The following LIMS1 variants were observed in gnomAD, a reference collection of about 807,000 sequenced individuals.
LIMS1 encodes LIM and senescent cell antigen-like-containing domain protein 1.
In LIMS1, 18 loss-of-function variants were observed where a neutral mutation model predicts 44.1. The ratio of observed to expected loss-of-function variants is 0.41; its 90% CI spans 0.28 to 0.61. The LOEUF (loss-of-function observed/expected upper bound fraction) is 0.61. Among genes scored for constraint, LIMS1 ranks in the 20% least tolerant of loss-of-function variants. The probability of loss-of-function intolerance (pLI) is 0.32; values close to 1 mark genes in which losing one functional copy is unlikely to be tolerated. For synonymous variants in LIMS1, 93 were observed against 149.1 expected, an observed-to-expected ratio of 0.62 and a Z score of 2.74; for missense variants, 201 against 422.0, an observed-to-expected ratio of 0.48 and a Z score of 4.59.
intron 1 of LIMS1, among the ~76,000 whole-genome samples, chr2:108,562,508 A>G (rs1284420092): frequency 6.6e-6 from 1 of 152,246 alleles, no homozygotes; most frequent in Non-Finnish European, 1.5e-5. Flanking sequence ...TAGTGGTTTG[A>G]ATGGGACATA....
At chr2:108,585,920 G>A (rs1451204574) in intron 1 of LIMS1, among the ~76,000 whole-genome samples, 2 of 152,118 alleles carry the variant, frequency 1.3e-5, no homozygotes, top group African/African-American at 2.4e-5. Flanking sequence ...GAGGCCGGGC[G>A]TGGTGGCTCA....
chr2:108,565,720 A>T (rs1685268659), intron 1 of LIMS1, among the ~76,000 whole-genome samples: 1 of 152,216 alleles, frequency 6.6e-6, no homozygotes, highest in South Asian at 2.1e-4. Context: ...TAATTTTTAA[A>T]TAACAGAAAC....
chr2:108,651,699 C>G (rs1227034221), intron 1 of LIMS1, among the ~76,000 whole-genome samples: 1 of 152,120 alleles, frequency 6.6e-6, no homozygotes, highest in African/African-American at 2.4e-5. Context: ...GGAAAGATCT[C>G]TATCTGCTTC....
At chr2:108,620,291 G>A (rs1688164468) in intron 1 of LIMS1, among the ~76,000 whole-genome samples, 2 of 152,192 alleles carry the variant, frequency 1.3e-5, no homozygotes, top group South Asian at 4.2e-4. Context: ...TTCTTGTCGA[G>A]AAGGTTCTAA....
chr2:108,673,698 A>G (rs1347517731), intron 5 of LIMS1: 1 of 152,382 alleles, frequency 6.6e-6, no homozygotes, highest in African/African-American at 2.4e-5. Flanking sequence ...CAGAACCACA[A>G]TACTCTTATT....
At chr2:108,537,572 C>G (rs1684184143) in intron 1 of LIMS1, among the ~76,000 whole-genome samples, 1 of 152,206 alleles carries the variant, frequency 6.6e-6, no homozygotes, top group African/African-American at 2.4e-5. Flanking sequence ...TTTCAGTGCT[C>G]TGTGCCTGTT....
chr2:108,551,929 ATGTGTG>A (rs1213737564), intron 1 of LIMS1, among the ~76,000 whole-genome samples: 84 of 135,724 alleles, frequency 6.2e-4, no homozygotes, highest in African/African-American at 2.0e-3. Context: ...ATGTGTATAT[ATGTGTG>A]TGTGTGTGTG....
At chr2:108,551,911 GTGTGTATA>G (rs1273209170) in intron 1 of LIMS1, among the ~76,000 whole-genome samples, 1 of 133,216 alleles carries the variant, frequency 7.5e-6, no homozygotes, top group Non-Finnish European at 1.5e-5. Context: ...ATATGTATAT[GTGTGTATA>G]TGTGTATATA....
intron 1 of LIMS1, among the ~76,000 whole-genome samples, chr2:108,560,996 G>T (rs1316646797): frequency 6.6e-6 from 1 of 152,146 alleles, no homozygotes; most frequent in African/African-American, 2.4e-5. Flanking sequence ...TTACCAATGG[G>T]TCAGAAGAAA....
In LIMS1 at chr2:108,678,032, G is replaced by A. The variant is rs752071106; in HGVS notation, c.823+5G>A. On this transcript the variant is annotated splice_donor_5th_base_variant and intron_variant, in intron 8 of 9. Coordinates refer to ENST00000544547, the Ensembl canonical transcript of LIMS1. ...ATCGTGTTATAGAAGGTGATGGTAA[G>A]TATCTGTGTGAGTTTTAGATTGGTG... The A allele has an allele frequency of 1.3e-5, 21 of 1,604,774 alleles. No homozygotes were observed. Among genetic ancestry groups the A allele is most frequent in the Non-Finnish European group, 1.7e-5 (20 of 1,178,494 alleles).
At chr2:108,636,139 G>T (rs984246803) in intron 1 of LIMS1, among the ~76,000 whole-genome samples, 12 of 152,220 alleles carry the variant, frequency 7.9e-5, no homozygotes, top group Non-Finnish European at 1.6e-4. Flanking sequence ...CTAGAGCTGA[G>T]TTAGAGTGCC....
chr2:108,675,884 G>T (rs778160832), exon 6 of LIMS1: 11 of 1,613,816 alleles, frequency 6.8e-6, no homozygotes, highest in Admixed American at 3.3e-5. Flanking sequence ...ACAGGAAGGA[G>T]CTGACTGCCG....
intron 1 of LIMS1, among the ~76,000 whole-genome samples, chr2:108,640,123 G>A (rs183307131): frequency 6.6e-6 from 1 of 152,294 alleles, no homozygotes; most frequent in Non-Finnish European, 1.5e-5. Context: ...TTATCATAGG[G>A]ACAGGATGGC....
chr2:108,663,874 G>A (rs990482894), intron 2 of LIMS1, among the ~76,000 whole-genome samples: 8 of 151,856 alleles, frequency 5.3e-5, no homozygotes, highest in African/African-American at 1.2e-4. Flanking sequence ...CCTGCCTGAG[G>A]CTCCCAAGTA....
chr2:108,543,211 G>T (rs531162840), intron 1 of LIMS1, among the ~76,000 whole-genome samples: 1 of 152,060 alleles, frequency 6.6e-6, no homozygotes, highest in East Asian at 1.9e-4. Context: ...TGAGAGGATC[G>T]CTTGAGCCCA....
At chr2:108,567,926 C>G (rs535862349) in intron 1 of LIMS1, among the ~76,000 whole-genome samples, 87 of 152,276 alleles carry the variant, frequency 5.7e-4, no homozygotes, top group African/African-American at 2.0e-3. Flanking sequence ...GTGCTACTTG[C>G]AATTTTCACT....
At chr2:108,596,610 G>A (rs779598797) in intron 1 of LIMS1, among the ~76,000 whole-genome samples, 1 of 152,296 alleles carries the variant, frequency 6.6e-6, no homozygotes, top group Non-Finnish European at 1.5e-5. Context: ...GATCACCTGA[G>A]GTCAGGAGTT....
chr2:108,559,752 A>G (rs1428653998), intron 1 of LIMS1, among the ~76,000 whole-genome samples: 1 of 152,160 alleles, frequency 6.6e-6, no homozygotes, highest in Admixed American at 6.5e-5. Flanking sequence ...GTGTGTAGGT[A>G]TGTGGGTGTG....
rs70956264 is a variant in LIMS1, at chr2:108,635,429, T to TAAAAAAAAAA, written c.33-24164_33-24155dup. Among the ~76,000 whole-genome samples, 343 of 86,662 alleles carry TAAAAAAAAAA rather than the reference T, an allele frequency of 4.0e-3. 2 individuals carry two copies. Among genetic ancestry groups the TAAAAAAAAAA allele is most frequent in the Non-Finnish European group, 5.8e-3 (276 of 47,944 alleles). The allele number at this position is 86,662 out of a possible 152,430, so 56.9% of individuals were successfully genotyped here. On this transcript the variant is annotated intron_variant, in intron 1 of 9. Coordinates refer to ENST00000544547, the Ensembl canonical transcript of LIMS1. ...GGGGGAAAGAGCAAGACTTCATCTC[T>TAAAAAAAAAA]AAAAAAAAAAAAAAAAAAAAAGAAT...
Sources: gnomAD v4.1 joint callset for allele counts (sites outside exome capture counted in the v4.1 genomes callset) on GRCh38, gnomAD v4.1.1 for gene constraint, MANE v1.5 for transcripts, NCBI Gene and HGNC (gene_info 2026-07-23, HGNC 2026-07-21) for gene names.